Variants in BMI1 observed in about 807,000 individuals in gnomAD.
BMI1 encodes polycomb complex protein BMI-1.
A neutral mutation model predicts 39.1 loss-of-function variants in BMI1; 9 were observed. The ratio of observed to expected loss-of-function variants is 0.23; its 90% CI spans 0.14 to 0.40. The LOEUF (loss-of-function observed/expected upper bound fraction) is 0.40. BMI1 is among the 10% of genes least tolerant of loss of function. BMI1 has a pLI of 1.00. For missense variants in BMI1, 252 were observed against 390.8 expected, an observed-to-expected ratio of 0.64 and a Z score of 2.99; for synonymous variants, 131 against 127.9, an observed-to-expected ratio of 1.02 and a Z score of -0.16.
In BMI1 at chr10:22,329,236, C is replaced by T; in HGVS notation, c.675C>T (p.Tyr225=). The T allele has an allele frequency of 6.2e-7, 1 of 1,613,866 alleles. No homozygotes were observed. The highest frequency in any genetic ancestry group is 1.3e-5 in the African/African-American group (1 of 75,018). Residue 225 remains tyrosine (Y), a synonymous_variant, in exon 10 of 10, where the codon TAC becomes TAT. Transcript: ENST00000376663. ...AGAATGGTCCACTTCCATTGAAATA[C>T]AGAGTTCGACCTACTTGTAAAAGAA... ...WRRNGPLPLK[Y]RVRPTCKRMK... is the part of the protein sequence containing the mutation.
rs1206745234 is a variant in BMI1 at position 22,331,471 on chromosome 10, C to T, written c.*1929C>T. ...TTTACAGTCTTTGAAGTAAAAGTTA[C>T]CAATGTTTGCCAATTTTGGTGAATT... On this transcript the variant is annotated 3_prime_UTR_variant, in exon 10 of 10. Transcript: ENST00000376663. 1.3e-5 allele frequency: 2 copies of T among 152,050 alleles called. No homozygotes were observed. The highest frequency in any genetic ancestry group is 6.5e-5 in the Admixed American group (1 of 15,272). 9.4% of individuals were successfully genotyped at this position (152,050 alleles called of 1,614,324 possible).
In BMI1 at chr10:22,329,712, G is replaced by C. The variant is rs1414047086; in HGVS notation, c.*170G>C. ...ATGGACTACATGTGATACTCCTATG[G>C]ACGTTAATTGAAAAGAAAGATTGTT... On this transcript the variant is annotated 3_prime_UTR_variant, in exon 10 of 10. Coordinates refer to ENST00000376663, the MANE Select transcript of BMI1 (RefSeq NM_005180.9). 4.1e-6 allele frequency: 3 copies of C among 729,830 alleles called. No individual in the cohort carries two copies. Among genetic ancestry groups the C allele is most frequent in the Non-Finnish European group, 6.4e-6 (3 of 467,858 alleles). 45.2% of individuals were successfully genotyped at this position (729,830 alleles called of 1,614,324 possible). A position where few individuals can be genotyped will look rare whatever the true frequency, so the allele number is the denominator to read the frequency against.
At chr10:22,325,745 AC>A (rs1429581383) in intron 1 of BMI1, 2 of 150,852 alleles carry the variant, frequency 1.3e-5, no homozygotes, top group African/African-American at 4.9e-5. Context: ...TGCTATGGAA[AC>A]CCCGACCGAG....
At position 22,330,474 on chromosome 10, in the gene BMI1, A is replaced by G. The variant is rs1836259048; in HGVS notation, c.*932A>G. ...CAATTGGCACATCTTTCTATACTTT[A>G]TATACTTTTCTCCAGTAATACATGT... is the stretch of plus-strand genomic sequence containing the variant. On this transcript the variant is annotated 3_prime_UTR_variant, in exon 10 of 10. Coordinates refer to ENST00000376663, the MANE Select transcript of BMI1 (RefSeq NM_005180.9). 6.6e-6 allele frequency: 1 copy of G among 152,340 alleles called. No homozygotes were observed. The highest frequency in any genetic ancestry group is 6.5e-5 in the Admixed American group (1 of 15,276). 9.4% of individuals were successfully genotyped at this position (152,340 alleles called of 1,614,324 possible).
rs1429564771 is a variant in BMI1 at position 22,328,120 on chromosome 10, T to G, written c.426-14T>G. On this transcript the variant is annotated splice_polypyrimidine_tract_variant and intron_variant, in intron 6 of 9. Transcript: ENST00000376663. ...TTATTAGATTGTTTCACTAATAAATTTTCTCTTTATTAGATTGGATCGGAA... is the reference window on the plus strand; with the variant it reads ...TTATTAGATTGTTTCACTAATAAATGTTCTCTTTATTAGATTGGATCGGAA... 1.3e-6 allele frequency: 2 copies of G among 1,597,696 alleles called. No individual in the cohort carries two copies. The highest frequency in any genetic ancestry group is 1.7e-6 in the Non-Finnish European group (2 of 1,175,518).
intron 3 of BMI1, 104 bp downstream of exon 3, chr10:22,327,090 C>A: frequency 7.9e-7 from 1 of 1,264,492 alleles, no homozygotes. Context: ...CTCTTGAATA[C>A]ATAACTAATA....
chr10:22,329,807 T>C lies in BMI1; in HGVS notation c.*265T>C. 1 of 429,752 alleles carries C rather than the reference T, an allele frequency of 2.3e-6. No homozygotes were observed. Among genetic ancestry groups the C allele is most frequent in the Non-Finnish European group, 4.1e-6 (1 of 241,244 alleles). The allele number at this position is 429,752 out of a possible 1,614,324, so 26.6% of individuals were successfully genotyped here. ...CTGTGTTAGGAAAGATGGGAAATGG[T>C]TTCTGTAACCATTGTTTGGATTTGG... On this transcript the variant is annotated 3_prime_UTR_variant, in exon 10 of 10. Coordinates refer to ENST00000376663, the MANE Select transcript of BMI1 (RefSeq NM_005180.9).
rs968730244 is a variant in BMI1, at chr10:22,321,446, CGGA to C, written c.-258_-256del. On this transcript the variant is annotated 5_prime_UTR_variant, in exon 1 of 10. Transcript: ENST00000376663. Reference sequence around the variant, plus strand: ...GAGGCGTTGGAGGTCGAGGCGGAGGCGGAGGAGGAGGAGGCCGAGGCGCCGGAG... The same window carrying C: ...GAGGCGTTGGAGGTCGAGGCGGAGGCGGAGGAGGAGGCCGAGGCGCCGGAG... The C allele has an allele frequency of 1.4e-4, 22 of 159,960 alleles. No homozygotes were observed. Among genetic ancestry groups the C allele is most frequent in the South Asian group, 4.7e-4 (3 of 6,392 alleles). 9.9% of individuals were successfully genotyped at this position (159,960 alleles called of 1,614,324 possible). A position where few individuals can be genotyped will look rare whatever the true frequency, so the allele number is the denominator to read the frequency against.
At position 22,321,682 on chromosome 10, in the gene BMI1, G is replaced by A. The variant is rs1358129952; in HGVS notation, c.-34G>A. Reference sequence around the variant, plus strand: ...CCGCCCGCTTCGATCGCCTCGCGCCGGCTGCTCTTTCCGGGTACGTAGGAG... The same window carrying A: ...CCGCCCGCTTCGATCGCCTCGCGCCAGCTGCTCTTTCCGGGTACGTAGGAG... On this transcript the variant is annotated 5_prime_UTR_variant, in exon 1 of 10. Transcript: ENST00000376663. 1 of 151,720 alleles carries A rather than the reference G, an allele frequency of 6.6e-6. No homozygotes were observed. The highest frequency in any genetic ancestry group is 1.5e-5 in the Non-Finnish European group (1 of 67,800). 9.4% of individuals were successfully genotyped at this position (151,720 alleles called of 1,614,324 possible). A position where few individuals can be genotyped will look rare whatever the true frequency, so the allele number is the denominator to read the frequency against.
intron 3 of BMI1, 129 bp from the exon 4 acceptor site, chr10:22,327,463 TATC>T (rs1194352331): frequency 1.3e-5 from 12 of 910,660 alleles, no homozygotes; most frequent in South Asian, 1.1e-4. Flanking sequence ...GTTTTTATCT[TATC>T]AATAATAGTT....
chr10:22,331,694 T>G (rs1836285906), downstream of BMI1, among the ~76,000 whole-genome samples: 1 of 152,156 alleles, frequency 6.6e-6, no homozygotes, highest in Non-Finnish European at 1.5e-5. Context: ...GGAATTCAAA[T>G]TTTACATCTC....
At chr10:22,329,006 A>T in intron 8 of BMI1, 42 bp from the exon 9 acceptor site, 1 of 1,537,618 alleles carries the variant, frequency 6.5e-7, no homozygotes. Context: ...ATGTACATTT[A>T]CCTTTGTTCT....
chr10:22,326,730 A>G (rs746280430), intron 2 of BMI1, 160 bp from the exon 3 acceptor site: 8 of 1,302,958 alleles, frequency 6.1e-6, no homozygotes, highest in Non-Finnish European at 8.4e-6. Flanking sequence ...TATTGATTGT[A>G]TTACAAGCAT....
In BMI1 at chr10:22,330,604, A is replaced by G. The variant is rs1836262478; in HGVS notation, c.*1062A>G. On this transcript the variant is annotated 3_prime_UTR_variant, in exon 10 of 10. Transcript: ENST00000376663. The stretch of plus-strand genomic sequence containing the variant: ...ATGGAATTAATATTGTATTTTAAAA[A>G]TGCATATTGATCACTATAATTCTAA... 6.6e-6 allele frequency: 1 copy of G among 152,244 alleles called. No homozygotes were observed. The highest frequency in any genetic ancestry group is 2.4e-5 in the African/African-American group (1 of 41,468). The allele number at this position is 152,244 out of a possible 1,614,324, so 9.4% of individuals were successfully genotyped here.
intron 2 of BMI1, 150 bp downstream of exon 2, chr10:22,326,711 G>C (rs1459732272): frequency 3.0e-6 from 4 of 1,347,656 alleles, no homozygotes; most frequent in Non-Finnish European, 4.0e-6. Context: ...ATGACTTTTT[G>C]TTAATATGTA....
intron 1 of BMI1, chr10:22,322,006 C>A (rs1208151695): frequency 2.0e-5 from 3 of 147,042 alleles, no homozygotes; most frequent in South Asian, 2.1e-4. Context: ...CCGCTCCAGC[C>A]GCCGCCGCCC....
rs755197537 is a variant in BMI1 at position 22,329,537 on chromosome 10, G to C, written c.976G>C (p.Gly326Arg). Residue 326 changes from glycine (G) to arginine (R), a missense_variant, in exon 10 of 10, where the codon GGT becomes CGT. Coordinates refer to ENST00000376663, the MANE Select transcript of BMI1 (RefSeq NM_005180.9). ...AAATGGGTCATCAGCAACTTCTTCT[G>C]GTTGATACCTGAGACTGTTAAGGAA... ...SVNGSSATSS[G>R] is the part of the protein sequence containing the mutation. 1 of 1,613,204 alleles carries C rather than the reference G, an allele frequency of 6.2e-7. No homozygotes were observed. Among genetic ancestry groups the C allele is most frequent in the Non-Finnish European group, 8.5e-7 (1 of 1,179,454 alleles).
At chr10:22,327,022 T>TA in intron 3 of BMI1, 36 bp downstream of exon 3, 1 of 1,601,442 alleles carries the variant, frequency 6.2e-7, no homozygotes, top group Non-Finnish European at 8.5e-7. Flanking sequence ...TTGTAATTAT[T>TA]ATTGGAGTTG....
Position 22,330,535 on chromosome 10 carries a change from T to TA in BMI1, c.*995dup, listed in dbSNP as rs1159831031. The TA allele has an allele frequency of 6.6e-6, 1 of 152,238 alleles. No individual in the cohort carries two copies. Among genetic ancestry groups the TA allele is most frequent in the African/African-American group, 2.4e-5 (1 of 41,484 alleles). 9.4% of individuals were successfully genotyped at this position (152,238 alleles called of 1,614,324 possible). ...GATTGTTGCAGTGAAGAAAAACCTTTAACTGAGAAATATGGAAACCGTCTT... is the reference window on the plus strand; with the variant it reads ...GATTGTTGCAGTGAAGAAAAACCTTTAAACTGAGAAATATGGAAACCGTCTT... On this transcript the variant is annotated 3_prime_UTR_variant, in exon 10 of 10. Coordinates refer to ENST00000376663, the MANE Select transcript of BMI1 (RefSeq NM_005180.9).
Sources: allele counts gnomAD v4.1 joint callset (sites outside exome capture counted in the v4.1 genomes callset), GRCh38; gene constraint gnomAD v4.1.1; transcripts MANE v1.5; gene names NCBI Gene and HGNC (gene_info 2026-07-23, HGNC 2026-07-21).